ZSCAN5A: variants seen among roughly 807,000 people sequenced by gnomAD.
ZSCAN5A encodes zinc finger and SCAN domain containing 5A.
Under a neutral mutation model 23.7 loss-of-function variants are expected in ZSCAN5A, and 12 were observed. The ratio of observed to expected loss-of-function variants is 0.51; its 90% CI spans 0.32 to 0.82. The LOEUF (loss-of-function observed/expected upper bound fraction) is 0.82, where lower values mean the gene tolerates loss of function less well. Among genes scored for constraint, ZSCAN5A ranks in the 40% least tolerant of loss-of-function variants. The probability of loss-of-function intolerance (pLI) is 0.03; values close to 1 mark genes in which losing one functional copy is unlikely to be tolerated. For missense variants in ZSCAN5A, 597 were observed against 617.9 expected, an observed-to-expected ratio of 0.97 and a Z score of 0.36; for synonymous variants, 257 against 239.9, an observed-to-expected ratio of 1.07 and a Z score of -0.66.
chr19:56,234,367 G>A (rs1390545222), intron 2 of ZSCAN5A, among the ~76,000 whole-genome samples: 4 of 152,066 alleles, frequency 2.6e-5, no homozygotes, highest in African/African-American at 7.2e-5. Flanking sequence ...TATATTATAC[G>A]GACTAGGGGT....
At chr19:56,342,702 T>C in intron 2 of ZSCAN5A, 1 of 636,450 alleles carries the variant, frequency 1.6e-6, no homozygotes, top group Non-Finnish European at 2.9e-6. Flanking sequence ...TAACTATACA[T>C]CTGTTTTTCC....
intron 2 of ZSCAN5A, among the ~76,000 whole-genome samples, chr19:56,234,264 T>G (rs1014508796): frequency 6.6e-6 from 1 of 152,140 alleles, no homozygotes; most frequent in East Asian, 1.9e-4. Flanking sequence ...AGAGTTCTCT[T>G]GAAGAGTACA....
chr19:56,368,240 T>G (rs569394036), exon 1 of ZSCAN5A: 20 of 152,502 alleles, frequency 1.3e-4, no homozygotes, highest in African/African-American at 4.6e-4. Context: ...CTCTTAGCCA[T>G]GTACGCCTCT....
intron 2 of ZSCAN5A, among the ~76,000 whole-genome samples, chr19:56,289,853 A>G (rs1260597741): frequency 1.3e-5 from 2 of 152,116 alleles, no homozygotes; most frequent in African/African-American, 4.8e-5. Context: ...GGCTCAAGCA[A>G]TCTTCCCATC....
At chr19:56,311,459 G>A (rs1268220317) in intron 2 of ZSCAN5A, among the ~76,000 whole-genome samples, 1 of 152,120 alleles carries the variant, frequency 6.6e-6, no homozygotes, top group Admixed American at 6.6e-5. Context: ...AACTAGCTCT[G>A]GGTAGTCACA....
intron 2 of ZSCAN5A, among the ~76,000 whole-genome samples, chr19:56,241,086 C>A (rs1265396124): frequency 6.6e-6 from 1 of 152,212 alleles, no homozygotes; most frequent in East Asian, 1.9e-4. Context: ...TGAGCATCAA[C>A]CTACTAGGCC....
At chr19:56,360,393 G>A (rs749181560) in intron 2 of ZSCAN5A, among the ~76,000 whole-genome samples, 1 of 152,078 alleles carries the variant, frequency 6.6e-6, no homozygotes. Context: ...TCTTCAAGGA[G>A]AACTACAAAT....
rs1366462702 is a variant in ZSCAN5A, at chr19:56,351,760, T to C, written c.-358+11475A>G. ...GCTCTGTCCCAATGTCTCCATCCTT[T>C]GCATCTTAACCTGTCGCAGAACAAG... is the stretch of plus-strand genomic sequence containing the variant. On this transcript the variant is annotated intron_variant, in intron 2 of 6. Coordinates refer to the ZSCAN5A transcript ENST00000587340. This position sits in a 1 kb window ranked among gnomAD's most constrained non-coding sequence, Gnocchi z 4.8. Among the ~76,000 whole-genome samples the C allele has an allele frequency of 6.6e-6, 1 of 152,182 alleles. No individual in the cohort carries two copies. The highest frequency in any genetic ancestry group is 6.5e-5 in the Admixed American group (1 of 15,276).
At chr19:56,320,864 A>G (rs1037369021) in intron 2 of ZSCAN5A, 19 of 771,716 alleles carry the variant, frequency 2.5e-5, no homozygotes, top group Non-Finnish European at 4.1e-5. Flanking sequence ...ATAATCCTGG[A>G]CAAGCTTCAT....
At chr19:56,259,933 C>T (rs1290900412) in intron 2 of ZSCAN5A, among the ~76,000 whole-genome samples, 1 of 152,122 alleles carries the variant, frequency 6.6e-6, no homozygotes, top group Non-Finnish European at 1.5e-5. Context: ...GTGATCGTGC[C>T]CTTGCACGCC....
chr19:56,285,495 T>C (rs1024901546), intron 2 of ZSCAN5A, among the ~76,000 whole-genome samples: 3 of 152,260 alleles, frequency 2.0e-5, no homozygotes, highest in African/African-American at 7.2e-5. Flanking sequence ...GCTTCGTGTG[T>C]ACTCCCATAA....
intron 2 of ZSCAN5A, among the ~76,000 whole-genome samples, chr19:56,237,776 C>T (rs1048878502): frequency 1.3e-5 from 2 of 151,750 alleles, no homozygotes; most frequent in African/African-American, 4.8e-5. Flanking sequence ...AAAAATTAGC[C>T]GGGCATGGGT....
chr19:56,281,965 C>G (rs751115365), intron 2 of ZSCAN5A, among the ~76,000 whole-genome samples: 1 of 152,144 alleles, frequency 6.6e-6, no homozygotes, highest in African/African-American at 2.4e-5. Flanking sequence ...AGAAAGAGAA[C>G]CTGTGTGGTG....
At chr19:56,258,570 C>G (rs2903861) in intron 2 of ZSCAN5A, among the ~76,000 whole-genome samples, 44,285 of 147,692 alleles carry the variant, frequency 0.3, 7,857 homozygotes, top group Non-Finnish European at 0.4. Flanking sequence ...GACACACTTT[C>G]CAGTGTAGGG....
At position 56,222,075 on chromosome 19, in the gene ZSCAN5A, T is replaced by G; in HGVS notation, c.991A>C (p.Asn331His). ...GCAGGGCCTGGGGAATGAATTGAATTCATCCCAGCTTGTCCCGGGGATTCT... is the reference window on the plus strand; with the variant it reads ...GCAGGGCCTGGGGAATGAATTGAATGCATCCCAGCTTGTCCCGGGGATTCT... ...NRESPGQAGM[N>H]SIHSPGPASP... The change falls in exon 6 of 6, where the codon AAT becomes CAT. Residue 331 changes from asparagine to histidine, a missense_variant. Coordinates refer to ENST00000683990, the MANE Select transcript of ZSCAN5A (RefSeq NM_001322064.3). 1 of 1,614,184 alleles carries G rather than the reference T, an allele frequency of 6.2e-7. No homozygotes were observed. Among genetic ancestry groups the G allele is most frequent in the Non-Finnish European group, 8.5e-7 (1 of 1,180,032 alleles).
intron 2 of ZSCAN5A, chr19:56,338,225 A>C (rs1231896081): frequency 1.3e-5 from 2 of 152,200 alleles, no homozygotes; most frequent in African/African-American, 4.8e-5. Flanking sequence ...TTAGCTTACA[A>C]ATTCTCTACC....
chr19:56,308,863 A>G (rs1267353487), intron 2 of ZSCAN5A, among the ~76,000 whole-genome samples: 1 of 152,212 alleles, frequency 6.6e-6, no homozygotes, highest in Admixed American at 6.5e-5. Context: ...TCAACCATAC[A>G]TTAAAGCACC....
At chr19:56,239,934 T>C (rs10412157) in intron 2 of ZSCAN5A, among the ~76,000 whole-genome samples, 8 of 151,520 alleles carry the variant, frequency 5.3e-5, no homozygotes, top group East Asian at 3.9e-4. Flanking sequence ...GAGGCCGAGG[T>C]GGGCAGATCA....
chr19:56,324,177 A>T (rs73052169), intron 2 of ZSCAN5A, among the ~76,000 whole-genome samples: 14,095 of 152,052 alleles, frequency 0.093, 1,100 homozygotes, highest in African/African-American at 0.22. Flanking sequence ...CTCTAATTCC[A>T]TGAGATCCAT....
Sources: allele counts gnomAD v4.1 joint callset (sites outside exome capture counted in the v4.1 genomes callset), GRCh38; gene constraint gnomAD v4.1.1; non-coding constraint Gnocchi (gnomAD v3.1); transcripts MANE v1.5; gene names NCBI Gene and HGNC (gene_info 2026-07-23, HGNC 2026-07-21).